TLK1: variants seen among roughly 807,000 people sequenced by gnomAD.
The protein encoded by TLK1 is serine/threonine-protein kinase tousled-like 1.
A neutral mutation model predicts 105.3 loss-of-function variants in TLK1; 24 were observed. The ratio of observed to expected loss-of-function variants is 0.23; its 90% confidence interval spans 0.17 to 0.32. The LOEUF (loss-of-function observed/expected upper bound fraction) is 0.32, where lower values mean the gene tolerates loss of function less well. TLK1 is among the 10% of genes least tolerant of loss of function. TLK1 has a pLI of 1.00. For missense variants in TLK1, 558 were observed against 910.5 expected (o/e 0.61, Z 4.98); for synonymous variants, 321 against 310.4 (o/e 1.03, Z -0.36).
chr2:170,996,589 T>G (rs915772903), intron 20 of TLK1, 64 bp downstream of exon 20: 13 of 1,371,694 alleles, frequency 9.5e-6, no homozygotes, highest in Non-Finnish European at 1.3e-5. Context: ...GTACTTACCT[T>G]GTTGTCAGCA....
chr2:171,038,674 T>G (rs1686495987), intron 11 of TLK1, among the ~76,000 whole-genome samples: 2 of 152,208 alleles, frequency 1.3e-5, no homozygotes, highest in South Asian at 4.1e-4. Flanking sequence ...CCTGGAGTTC[T>G]ACCAATGACT....
intron 13 of TLK1, among the ~76,000 whole-genome samples, chr2:171,011,805 A>G (rs540406709): frequency 2.0e-5 from 3 of 152,212 alleles, no homozygotes; most frequent in Non-Finnish European, 4.4e-5. Context: ...AGACTTTTAT[A>G]TTGGGAGTTA....
chr2:171,194,496 A>G (rs1037237709), intron 1 of TLK1, among the ~76,000 whole-genome samples: 2 of 152,204 alleles, frequency 1.3e-5, no homozygotes, highest in African/African-American at 4.8e-5. Flanking sequence ...AGTTCAGTGA[A>G]ATAAAATTTG....
At chr2:171,053,350 T>C (rs1687333261) in intron 8 of TLK1, among the ~76,000 whole-genome samples, 1 of 152,012 alleles carries the variant, frequency 6.6e-6, no homozygotes, top group African/African-American at 2.4e-5. Context: ...AAAAGCTTAT[T>C]GAGTTCTAGC....
intron 2 of TLK1, among the ~76,000 whole-genome samples, chr2:171,111,231 A>G (rs944313605): frequency 1.3e-5 from 2 of 152,236 alleles, no homozygotes; most frequent in Non-Finnish European, 2.9e-5. Context: ...AAAAGCTTAC[A>G]TGAAATGAAC....
intron 2 of TLK1, among the ~76,000 whole-genome samples, chr2:171,094,877 G>A (rs1689388485): frequency 6.6e-6 from 1 of 152,138 alleles, no homozygotes; most frequent in South Asian, 2.1e-4. Context: ...CAAAATGCTG[G>A]GATTACAGGT....
intron 1 of TLK1, among the ~76,000 whole-genome samples, chr2:171,186,209 T>C (rs1693022154): frequency 1.3e-5 from 2 of 152,228 alleles, no homozygotes; most frequent in Admixed American, 1.3e-4. Flanking sequence ...TTGATAGGAA[T>C]AATCCTCATC....
intron 1 of TLK1, among the ~76,000 whole-genome samples, chr2:171,223,354 G>A (rs1693842424): frequency 1.3e-5 from 2 of 152,198 alleles, no homozygotes; most frequent in South Asian, 4.1e-4. Flanking sequence ...ACTGGGGTGA[G>A]ATGATATCTC....
In TLK1 at chr2:171,050,182, A is replaced by G. The variant is rs757984806; in HGVS notation, c.733-8T>C. 2.1e-5 allele frequency: 34 copies of G among 1,584,172 alleles called. No individual in the cohort carries two copies. The East Asian group carries it at 3.1e-4, about 15-fold the overall frequency. On this transcript the variant is annotated splice_polypyrimidine_tract_variant and splice_region_variant and intron_variant, in intron 8 of 20. Coordinates refer to ENST00000431350, the MANE Select transcript of TLK1 (RefSeq NM_012290.5). ...TCTGAGATCACAGTTAGCCTATGAC[A>G]TAAGTAGAAAATGCAAGAGGTCTAG...
chr2:171,187,057 C>CAAAAAAAAAAAAAAAAAAAA (rs71013019), intron 1 of TLK1, among the ~76,000 whole-genome samples: 12 of 34,040 alleles, frequency 3.5e-4, no homozygotes, highest in Non-Finnish European at 4.4e-4. Context: ...GACTCTGTCT[C>CAAAAAAAAAAAAAAAAAAAA]AAAAAAAAAA....
At chr2:171,135,042 A>G (rs1443045339) in intron 1 of TLK1, among the ~76,000 whole-genome samples, 1 of 152,180 alleles carries the variant, frequency 6.6e-6, no homozygotes, top group Non-Finnish European at 1.5e-5. Flanking sequence ...ATTTGAACAC[A>G]CAAAAGCAGA....
rs112123715 is a variant in TLK1, at chr2:171,006,399, T to C, written c.1768+75A>G. The stretch of plus-strand genomic sequence containing the variant: ...TTACAAGAGAAACCAAAAAACATGT[T>C]TTCAGATAACTTAATGAATGACTTT... On this transcript the variant is annotated intron_variant, in intron 17 of 20. Transcript: ENST00000431350. The C allele has an allele frequency of 1.7e-5, 25 of 1,491,634 alleles. No individual in the cohort carries two copies. In the African/African-American group the frequency reaches 2.8e-4, roughly 17 times the overall value. 92.4% of individuals were successfully genotyped at this position (1,491,634 alleles called of 1,614,324 possible). A position where few individuals can be genotyped will look rare whatever the true frequency, so the allele number is the denominator to read the frequency against.
At chr2:171,191,199 C>A (rs943053938) in intron 1 of TLK1, among the ~76,000 whole-genome samples, 6 of 152,002 alleles carry the variant, frequency 3.9e-5, no homozygotes, top group Non-Finnish European at 8.8e-5. Context: ...TCAACAAGTT[C>A]CCCCTAACTC....
intron 13 of TLK1, among the ~76,000 whole-genome samples, chr2:171,014,468 G>A (rs1685077662): frequency 6.6e-6 from 1 of 151,864 alleles, no homozygotes; most frequent in African/African-American, 2.4e-5. Flanking sequence ...TTGAGTAGCT[G>A]GAACTATAGG....
intron 14 of TLK1, 105 bp downstream of exon 14, chr2:171,011,264 GGTTA>G: frequency 1.1e-6 from 1 of 897,008 alleles, no homozygotes; most frequent in Non-Finnish European, 1.6e-6. Flanking sequence ...AAAGCCCTGG[GGTTA>G]CATGTGTGAG....
chr2:171,121,479 C>T (rs191410367), intron 1 of TLK1, among the ~76,000 whole-genome samples: 45 of 152,202 alleles, frequency 3.0e-4, no homozygotes, highest in Non-Finnish European at 5.6e-4. Flanking sequence ...TGCAGTGAGC[C>T]AAGATTGCAC....
At chr2:171,073,872 TCC>T (rs147208196) in intron 3 of TLK1, among the ~76,000 whole-genome samples, 4 of 68,912 alleles carry the variant, frequency 5.8e-5, no homozygotes, top group African/African-American at 8.1e-5. Context: ...AACTTAACAT[TCC>T]CCCCCCCCCT....
intron 2 of TLK1, among the ~76,000 whole-genome samples, chr2:171,097,968 G>A (rs1034639353): frequency 1.3e-5 from 2 of 151,872 alleles, no homozygotes; most frequent in African/African-American, 4.8e-5. Context: ...GGCGGGGAGA[G>A]AGAGGGAGAG....
At chr2:171,018,624 T>G (rs1685321455) in intron 12 of TLK1, among the ~76,000 whole-genome samples, 1 of 152,206 alleles carries the variant, frequency 6.6e-6, no homozygotes, top group Non-Finnish European at 1.5e-5. Context: ...TGATCTGAAT[T>G]CACCACAGAA....
Sources: allele counts gnomAD v4.1 joint callset (sites outside exome capture counted in the v4.1 genomes callset), GRCh38; gene constraint gnomAD v4.1.1; transcripts MANE v1.5; gene names NCBI Gene and HGNC (gene_info 2026-07-23, HGNC 2026-07-21).